Variants in SERPINB7 observed in about 807,000 individuals in gnomAD.
SERPINB7 encodes the protein serpin family B member 7.
SERPINB7 carries 31 observed loss-of-function variants against 37.4 expected under a neutral mutation model. That is an observed-to-expected ratio of 0.83 (90% CI 0.62 to 1.12). The LOEUF (loss-of-function observed/expected upper bound fraction) is 1.12. SERPINB7 is among the 50% of genes most tolerant of loss of function. The pLI, the probability that SERPINB7 is intolerant of heterozygous loss-of-function variation, is 0.00. For synonymous variants in SERPINB7, 163 were observed against 166.1 expected (o/e 0.98, Z 0.14); for missense variants, 521 against 455.3 (o/e 1.14, Z -1.31).
chr18:63,782,520 T>G lies in SERPINB7; in HGVS notation c.148T>G (p.Ser50Ala). Reference protein sequence around the residue: ...ALVRLGAQDDSLSQIDKLLHV... With the variant: ...ALVRLGAQDDALSQIDKLLHV... ...GGTCCGCTTGGGCGCTCAAGATGAC[T>G]CCCTCTCTCAGATTGATAAGGTCAG... The change falls in exon 2 of 8, where the codon TCC becomes GCC. Residue 50 changes from serine to alanine, a missense_variant. Ser to Ala is a moderately conservative substitution (Grantham distance 99, BLOSUM62 1). Coordinates refer to ENST00000398019, the MANE Select transcript of SERPINB7 (RefSeq NM_003784.4). 6.2e-7 allele frequency: 1 copy of G among 1,612,772 alleles called. No individual in the cohort carries two copies. Among genetic ancestry groups the G allele is most frequent in the Non-Finnish European group, 8.5e-7 (1 of 1,179,394 alleles).
intron 1 of SERPINB7, among the ~76,000 whole-genome samples, chr18:63,766,605 G>A (rs148008760): frequency 1.1e-3 from 163 of 152,128 alleles, no homozygotes; most frequent in African/African-American, 3.7e-3. Context: ...TCATTTTGCA[G>A]GAATGTTCTT....
At position 63,775,487 on chromosome 18, in the gene SERPINB7, A is replaced by G. The variant is rs545740758; in HGVS notation, c.-248A>G. On this transcript the variant is annotated 5_prime_UTR_variant, in exon 1 of 8. Coordinates refer to ENST00000398019, the MANE Select transcript of SERPINB7 (RefSeq NM_003784.4). The stretch of plus-strand genomic sequence containing the variant: ...ACAGCCTTTAAAACTGAATTCTCAG[A>G]ATTTTAGAACAAATTTTTGTCTAGA... The G allele has an allele frequency of 6.6e-5, 10 of 152,300 alleles. No homozygotes were observed. Among genetic ancestry groups the G allele is most frequent in the African/African-American group, 2.4e-4 (10 of 41,566 alleles). The allele number at this position is 152,300 out of a possible 1,614,324, so 9.4% of individuals were successfully genotyped here.
intron 6 of SERPINB7, among the ~76,000 whole-genome samples, chr18:63,800,477 T>C (rs536116986): frequency 6.6e-6 from 1 of 152,354 alleles, no homozygotes; most frequent in South Asian, 2.1e-4. Context: ...TTACTTATTA[T>C]AGAGACTTTT....
chr18:63,759,877 C>G (rs190436426), intron 1 of SERPINB7, among the ~76,000 whole-genome samples: 102 of 152,332 alleles, frequency 6.7e-4, no homozygotes, highest in African/African-American at 2.4e-3. Flanking sequence ...GAGGCCTCCA[C>G]AGCCATGTGG....
chr18:63,801,082 T>C (rs2042880471), intron 7 of SERPINB7, 70 bp downstream of exon 7: 3 of 1,442,820 alleles, frequency 2.1e-6, no homozygotes, highest in Non-Finnish European at 2.9e-6. Context: ...GAGTTTTCAC[T>C]GATAAACTGT....
intron 1 of SERPINB7, among the ~76,000 whole-genome samples, chr18:63,776,165 T>G (rs938219878): frequency 1.5e-4 from 23 of 151,830 alleles, no homozygotes; most frequent in African/African-American, 5.1e-4. Flanking sequence ...TGGCTTCATG[T>G]TTTTTTTGTT....
chr18:63,773,556 G>A (rs1361820822), upstream of SERPINB7, among the ~76,000 whole-genome samples: 1 of 152,076 alleles, frequency 6.6e-6, no homozygotes. Context: ...GACACCTCGT[G>A]TAATCCTGAA....
intron 1 of SERPINB7, among the ~76,000 whole-genome samples, chr18:63,776,860 A>G (rs2049253682): frequency 6.6e-6 from 1 of 151,998 alleles, no homozygotes; most frequent in Non-Finnish European, 1.5e-5. Context: ...TTTGGTTTCT[A>G]AGTTCCTATC....
At chr18:63,790,990 G>A (rs1245289353) in intron 2 of SERPINB7, among the ~76,000 whole-genome samples, 3 of 152,172 alleles carry the variant, frequency 2.0e-5, no homozygotes, top group Non-Finnish European at 4.4e-5. Flanking sequence ...CCTTTGCAGG[G>A]ACATGGATGA....
chr18:63,793,160 G>A lies in SERPINB7; in HGVS notation c.220-1G>A. On this transcript the variant is annotated splice_acceptor_variant, in intron 3 of 7. Coordinates refer to ENST00000398019, the MANE Select transcript of SERPINB7 (RefSeq NM_003784.4). LOFTEE classifies it high-confidence loss of function. ...ATTTTTATACATCTTTTTAATAACA[G>A]TCAGGGCTCCAGTCTCAACTGAAAA... is the stretch of plus-strand genomic sequence containing the variant. 6.7e-7 allele frequency: 1 copy of A among 1,500,398 alleles called. No individual in the cohort carries two copies. The highest frequency in any genetic ancestry group is 9.1e-7 in the Non-Finnish European group (1 of 1,100,586). The allele number at this position is 1,500,398 out of a possible 1,614,324, so 92.9% of individuals were successfully genotyped here. A position where few individuals can be genotyped will look rare whatever the true frequency, so the allele number is the denominator to read the frequency against.
At chr18:63,765,497 T>C (rs1406557433) in intron 1 of SERPINB7, among the ~76,000 whole-genome samples, 1 of 152,166 alleles carries the variant, frequency 6.6e-6, no homozygotes, top group Non-Finnish European at 1.5e-5. Context: ...AAAAGTAAGA[T>C]AAGAATAAGC....
chr18:63,798,659 G>A lies in SERPINB7; in HGVS notation c.510G>A (p.Val170=), dbSNP rs1429660387. The change falls in exon 6 of 8, where the codon GTG becomes GTA. Residue 170 remains valine, a synonymous_variant. Transcript: ENST00000398019. Reference sequence around the variant, plus strand: ...GCATAAGCTCATCTGCTGTAATGGTGCTGGTGAATGCTGTGTACTTCAAAG... The same window carrying A: ...GCATAAGCTCATCTGCTGTAATGGTACTGGTGAATGCTGTGTACTTCAAAG... ...EGGISSSAVM[V]LVNAVYFKGK... The A allele has an allele frequency of 1.2e-6, 2 of 1,611,118 alleles. No homozygotes were observed. The highest frequency in any genetic ancestry group is 1.1e-5 in the South Asian group (1 of 90,316).
intron 2 of SERPINB7, among the ~76,000 whole-genome samples, chr18:63,785,049 C>T (rs912102790): frequency 6.6e-6 from 1 of 152,176 alleles, no homozygotes; most frequent in African/African-American, 2.4e-5. Context: ...CAATTACTCT[C>T]ATGTGTGACT....
In SERPINB7 at chr18:63,804,458, G is replaced by A. The variant is rs1173991587; in HGVS notation, c.966G>A (p.Met322Ile). 9 of 1,613,710 alleles carry A rather than the reference G, an allele frequency of 5.6e-6. No individual in the cohort carries two copies. In the East Asian group the frequency reaches 2.0e-4, roughly 36 times the overall value. ...GTCGTCTGTATATATCAAGGATGAT[G>A]CACAAATCTTACATAGAGGTCACTG... is the stretch of plus-strand genomic sequence containing the variant. ...SGGRLYISRM[M>I]HKSYIEVTEE... is the part of the protein sequence containing the mutation. Residue 322 changes from methionine to isoleucine, a missense_variant, in exon 8 of 8, where the codon ATG becomes ATA. Transcript: ENST00000398019.
At chr18:63,783,294 G>GAAAGAAAGAAAGAAAT (rs1447518198) in intron 2 of SERPINB7, among the ~76,000 whole-genome samples, 1 of 147,468 alleles carries the variant, frequency 6.8e-6, no homozygotes, top group African/African-American at 2.5e-5. Context: ...AAGAAAGAAA[G>GAAAGAAAGAAAGAAAT]AAATGCAAAT....
At chr18:63,787,683 CA>C (rs1440487849) in intron 2 of SERPINB7, among the ~76,000 whole-genome samples, 2 of 151,780 alleles carry the variant, frequency 1.3e-5, no homozygotes, top group Non-Finnish European at 2.9e-5. Context: ...AAACAAAAAC[CA>C]AAAAAGAATT....
chr18:63,761,712 C>T (rs1461746477), intron 1 of SERPINB7, among the ~76,000 whole-genome samples: 2 of 152,188 alleles, frequency 1.3e-5, no homozygotes, highest in Non-Finnish European at 2.9e-5. Flanking sequence ...ATGGATTTAT[C>T]AGGGGTTTCC....
chr18:63,771,640 G>A (rs2049212041), upstream of SERPINB7, among the ~76,000 whole-genome samples: 1 of 152,038 alleles, frequency 6.6e-6, no homozygotes. Context: ...GTTCGCACGG[G>A]TTGGAAATTT....
chr18:63,754,543 A>C (rs2144578462), intron 1 of SERPINB7, among the ~76,000 whole-genome samples: 1 of 152,258 alleles, frequency 6.6e-6, no homozygotes, highest in East Asian at 1.9e-4. Flanking sequence ...GACGCTGGTC[A>C]GAGGTAACAC....
Sources: gnomAD v4.1 joint callset for allele counts (sites outside exome capture counted in the v4.1 genomes callset) on GRCh38, gnomAD v4.1.1 for gene constraint, MANE v1.5 for transcripts, NCBI Gene and HGNC (gene_info 2026-07-23, HGNC 2026-07-21) for gene names.